PNP: variants seen among roughly 807,000 people sequenced by gnomAD.
PNP encodes HEL-S-156an.
A neutral mutation model predicts 26.8 loss-of-function variants in PNP; 18 were observed. The observed-to-expected ratio is 0.67, with a 90% CI of 0.46 to 1.00. PNP has a LOEUF of 1.00. Ranked by LOEUF, PNP falls within the 50% of genes least tolerant of loss-of-function variation. The pLI is 0.00. For missense variants in PNP, 320 were observed against 362.9 expected (o/e 0.88, Z 0.96); for synonymous variants, 116 against 124.8 (o/e 0.93, Z 0.47).
At chr14:20,474,152 TGCTCAC>T in intron 2 of PNP, 1 of 330,962 alleles carries the variant, frequency 3.0e-6, no homozygotes, top group Non-Finnish European at 5.8e-6. Context: ...CTACTTTTTT[TGCTCAC>T]TTTTTACTCT....
intron 2 of PNP, 128 bp from the exon 3 acceptor site, chr14:20,474,344 T>C: frequency 1.3e-6 from 1 of 786,992 alleles, no homozygotes; most frequent in Non-Finnish European, 2.2e-6. Flanking sequence ...GCAGAGATAA[T>C]AATGAGTCTT....
chr14:20,469,638 C>G, intron 1 of PNP, 103 bp downstream of exon 1: 1 of 1,447,800 alleles, frequency 6.9e-7, no homozygotes, highest in Non-Finnish European at 9.5e-7. Context: ...AGGGAGCGAG[C>G]GCCCAGGGGA....
intron 5 of PNP, 116 bp from the exon 6 acceptor site, chr14:20,476,268 G>A (rs3790065): frequency 0.052 from 44,982 of 872,672 alleles, 1,351 homozygotes; most frequent in Admixed American, 0.062. Context: ...CACTGCACCC[G>A]GCCATCTTTG....
chr14:20,476,543 T>G lies in PNP; in HGVS notation c.812T>G (p.Leu271Trp). ...LAAGKQAAQK[L>W]EQFVSILMAS... ...GCTGGCAAACAAGCTGCACAGAAAT[T>G]GGAACAGTTTGTCTCCATTCTTATG... is the stretch of plus-strand genomic sequence containing the variant. The change falls in exon 6 of 6, where the codon TTG becomes TGG. Residue 271 changes from leucine to tryptophan, a missense_variant. Transcript: ENST00000361505. 1 of 1,614,222 alleles carries G rather than the reference T, an allele frequency of 6.2e-7. No individual in the cohort carries two copies. Among genetic ancestry groups the G allele is most frequent in the Non-Finnish European group, 8.5e-7 (1 of 1,180,046 alleles).
intron 5 of PNP, 144 bp downstream of exon 5, chr14:20,475,396 C>T (rs1882081592): frequency 2.7e-6 from 2 of 737,016 alleles, no homozygotes; most frequent in Non-Finnish European, 2.2e-6. Context: ...TATTGAAATA[C>T]AAACTGGTGA....
At position 20,472,477 on chromosome 14, in the gene PNP, G is replaced by T. The variant is rs1398420394; in HGVS notation, c.181G>T (p.Val61Leu). The part of the protein sequence containing the change: ...GEIPNFPRST[V>L]PGHAGRLVFG... ...AATCCCCAACTTTCCCCGAAGTACA[G>T]GTACTGGCAAGGGAAAGTGGGGAAT... is the stretch of plus-strand genomic sequence containing the variant. Residue 61 changes from valine to leucine, a missense_variant and splice_region_variant, in exon 2 of 6, where the codon GTG (valine) becomes TTG (leucine). Val to Leu is a conservative substitution (Grantham distance 32). Transcript: ENST00000361505. 1.2e-6 allele frequency: 2 copies of T among 1,613,588 alleles called. No individual in the cohort carries two copies. The highest frequency in any genetic ancestry group is 1.7e-6 in the Non-Finnish European group (2 of 1,179,604).
chr14:20,473,500 A>C (rs1343196305), intron 2 of PNP: 5 of 152,246 alleles, frequency 3.3e-5, no homozygotes, highest in African/African-American at 4.8e-5. Flanking sequence ...AAGTTAGGGC[A>C]ATAGATAAGA....
At position 20,476,616 on chromosome 14, in the gene PNP, G is replaced by T. The variant is rs201497504; in HGVS notation, c.*15G>T. ...AAGCCAGTTGACCTGCCTTGGAGTC[G>T]TCTGGCATCTCCCACACAAGACCCA... On this transcript the variant is annotated 3_prime_UTR_variant, in exon 6 of 6. Transcript: ENST00000361505. The T allele has an allele frequency of 6.2e-7, 1 of 1,607,682 alleles. No homozygotes were observed. The highest frequency in any genetic ancestry group is 1.1e-5 in the South Asian group (1 of 90,904).
Position 20,476,582 on chromosome 14 carries a change from T to G in PNP, c.851T>G (p.Leu284Arg). ...FVSILMASIP[L>R]PDKAS is the part of the protein sequence containing the mutation. ...TCCATTCTTATGGCCAGCATTCCAC[T>G]CCCTGACAAAGCCAGTTGACCTGCC... is the stretch of plus-strand genomic sequence containing the variant. The change falls in exon 6 of 6, where the codon CTC becomes CGC. Residue 284 changes from leucine (L) to arginine (R), a missense_variant. Leu to Arg is a moderately radical substitution (Grantham distance 102). Transcript: ENST00000361505. The G allele has an allele frequency of 1.9e-6, 3 of 1,614,142 alleles. No individual in the cohort carries two copies. Among genetic ancestry groups the G allele is most frequent in the Non-Finnish European group, 2.5e-6 (3 of 1,180,016 alleles).
chr14:20,472,914 C>A, intron 2 of PNP: 1 of 225,974 alleles, frequency 4.4e-6, no homozygotes. Context: ...CTCTTTAACA[C>A]AAGACTGGAA....
intron 2 of PNP, 164 bp from the exon 3 acceptor site, chr14:20,474,308 T>C (rs951015215): frequency 1.2e-5 from 8 of 653,600 alleles, no homozygotes; most frequent in Admixed American, 2.2e-5. Flanking sequence ...TGCCTGGCTC[T>C]CTCACCAGAC....
At chr14:20,476,276 T>G in intron 5 of PNP, 108 bp from the exon 6 acceptor site, 6 of 930,410 alleles carry the variant, frequency 6.4e-6, no homozygotes, top group Non-Finnish European at 7.1e-6. Flanking sequence ...CCGGCCATCT[T>G]TGGATGTTTT....
In PNP at chr14:20,475,187, C is replaced by T; in HGVS notation, c.587C>T (p.Ala196Val). Residue 196 changes from alanine to valine, a missense_variant, in exon 5 of 6, where the codon GCA (alanine) becomes GTA (valine). Coordinates refer to ENST00000361505, the MANE Select transcript of PNP (RefSeq NM_000270.4). ...CAGGAAGGCACCTATGTGATGGTGG[C>T]AGGCCCCAGCTTTGAGACTGTGGCA... is the stretch of plus-strand genomic sequence containing the variant. ...ELQEGTYVMV[A>V]GPSFETVAEC... 13 of 1,614,112 alleles carry T rather than the reference C, an allele frequency of 8.1e-6. No individual in the cohort carries two copies. The highest frequency in any genetic ancestry group is 1.1e-5 in the Non-Finnish European group (13 of 1,180,012).
chr14:20,473,889 T>C (rs919589284), intron 2 of PNP: 1 of 153,550 alleles, frequency 6.5e-6, no homozygotes, highest in Non-Finnish European at 1.4e-5. Context: ...TTTTTATAGA[T>C]TTACAGGGGT....
chr14:20,472,589 C>T (rs1240559871), intron 2 of PNP, 112 bp downstream of exon 2: 1 of 1,046,908 alleles, frequency 9.6e-7, no homozygotes. Flanking sequence ...TCACTGAAGA[C>T]AAATGTTGTA....
chr14:20,474,835 A>C lies in PNP; in HGVS notation c.348A>C (p.Ala116=). Reference sequence around the variant, plus strand: ...TGGACACCCTGGTAGTCACCAATGCAGCAGGAGGGCTGAACCCCAAGTTTG... The same window carrying C: ...TGGACACCCTGGTAGTCACCAATGCCGCAGGAGGGCTGAACCCCAAGTTTG... ...LGVDTLVVTN[A]AGGLNPKFEV... The change falls in exon 4 of 6, where the codon GCA becomes GCC. Residue 116 remains alanine (A), a synonymous_variant. Coordinates refer to ENST00000361505, the MANE Select transcript of PNP (RefSeq NM_000270.4). 1.2e-6 allele frequency: 2 copies of C among 1,614,222 alleles called. No individual in the cohort carries two copies. The highest frequency in any genetic ancestry group is 1.7e-6 in the Non-Finnish European group (2 of 1,180,028).
At chr14:20,472,930 G>A (rs1007639698) in intron 2 of PNP, 3 of 216,590 alleles carry the variant, frequency 1.4e-5, no homozygotes, top group African/African-American at 4.7e-5. Flanking sequence ...TGGAAGAGCA[G>A]AGGGAGAAGG....
At position 20,476,383 on chromosome 14, in the gene PNP, G is replaced by A. The variant is rs1479981020; in HGVS notation, c.653-1G>A. 6.2e-7 allele frequency: 1 copy of A among 1,611,670 alleles called. No homozygotes were observed. Among genetic ancestry groups the A allele is most frequent in the South Asian group, 1.1e-5 (1 of 91,002 alleles). ...TTGGTTTCCATCTTTCTCACTATCA[G>A]GCATGAGTACAGTACCAGAAGTTAT... On this transcript the variant is annotated splice_acceptor_variant, in intron 5 of 5. Transcript: ENST00000361505. LOFTEE classifies it high-confidence loss of function.
intron 5 of PNP, among the ~76,000 whole-genome samples, chr14:20,476,168 CTT>C (rs1462976215): frequency 1.3e-5 from 2 of 152,138 alleles, no homozygotes; most frequent in African/African-American, 4.8e-5. Flanking sequence ...GCCGAGGTCT[CTT>C]TATGTTGCCC....
Sources: allele counts gnomAD v4.1 joint callset (sites outside exome capture counted in the v4.1 genomes callset), GRCh38; gene constraint gnomAD v4.1.1; transcripts MANE v1.5; gene names NCBI Gene and HGNC (gene_info 2026-07-23, HGNC 2026-07-21).